ANO10: variants seen among roughly 807,000 people sequenced by gnomAD.
ANO10 encodes the protein anoctamin-10.
In ANO10, 77 loss-of-function variants were observed where a neutral mutation model predicts 74.7. The observed-to-expected ratio is 1.03, with a 90% CI of 0.86 to 1.25. The LOEUF is 1.25. ANO10 is among the 50% of genes most tolerant of loss of function. The pLI, the probability that ANO10 is intolerant of heterozygous loss-of-function variation, is 0.00. For missense variants in ANO10, 721 were observed against 778.1 expected (o/e 0.93, Z 0.87); for synonymous variants, 279 against 284.9 (o/e 0.98, Z 0.21).
At chr3:43,659,935 G>A (rs1305569590) in intron 1 of ANO10, among the ~76,000 whole-genome samples, 2 of 152,172 alleles carry the variant, frequency 1.3e-5, no homozygotes, top group African/African-American at 2.4e-5. Context: ...GTGATACCCA[G>A]GCAAACAGGG....
intron 1 of ANO10, among the ~76,000 whole-genome samples, chr3:43,652,343 A>G (rs2083797436): frequency 1.3e-5 from 2 of 152,242 alleles, no homozygotes; most frequent in Non-Finnish European, 2.9e-5. Context: ...GAATCCAGAA[A>G]TAAATCCTTA....
intron 10 of ANO10, among the ~76,000 whole-genome samples, chr3:43,551,091 C>T (rs749832873): frequency 9.9e-5 from 15 of 152,158 alleles, no homozygotes; most frequent in Non-Finnish European, 1.9e-4. Context: ...ATTACATGGA[C>T]GTATCAGAAT....
intron 10 of ANO10, among the ~76,000 whole-genome samples, chr3:43,552,697 G>GATATATATAT (rs57438732): frequency 6.4e-5 from 8 of 124,482 alleles, no homozygotes; most frequent in African/African-American, 1.2e-4. Flanking sequence ...ATTATCTCTG[G>GATATATATAT]ATATATATAT....
intron 9 of ANO10, among the ~76,000 whole-genome samples, chr3:43,558,815 CAA>C (rs1389529610): frequency 2.0e-5 from 3 of 152,076 alleles, no homozygotes; most frequent in Non-Finnish European, 4.4e-5. Flanking sequence ...ACTGAAATGG[CAA>C]ATATCCAACA....
In ANO10 at chr3:43,386,121, G is replaced by A. The variant is rs377654056; in HGVS notation, c.1915-19147C>T. 2.9e-4 allele frequency among the ~76,000 whole-genome samples: 44 copies of A among 152,262 alleles called. No homozygotes were observed. The East Asian group carries it at 8.3e-3, about 29-fold the overall frequency. The stretch of plus-strand genomic sequence containing the variant: ...CTCTGGAGTCCAGGGAGTCCTGCCT[G>A]AGGATTCTGAGGAAGTTGTGATTTC... On this transcript the variant is annotated intron_variant, in intron 12 of 12. Coordinates refer to ENST00000292246, the MANE Select transcript of ANO10 (RefSeq NM_018075.5).
chr3:43,440,280 A>T lies in ANO10; in HGVS notation c.1798-7553T>A, dbSNP rs183677775. Reference sequence around the variant, plus strand: ...GCTGAATGGATTTTAAAAAAAACCAACAAGAAGAAGATCCAATTACCTGCA... The same window carrying T: ...GCTGAATGGATTTTAAAAAAAACCATCAAGAAGAAGATCCAATTACCTGCA... On this transcript the variant is annotated intron_variant, in intron 11 of 12. Coordinates refer to ENST00000292246, the MANE Select transcript of ANO10 (RefSeq NM_018075.5). 2.6e-5 allele frequency among the ~76,000 whole-genome samples: 4 copies of T among 152,270 alleles called. No homozygotes were observed. In the East Asian group the frequency reaches 7.7e-4, roughly 29 times the overall value.
chr3:43,431,803 C>A (rs564994315), intron 12 of ANO10, among the ~76,000 whole-genome samples: 4 of 152,164 alleles, frequency 2.6e-5, no homozygotes. Flanking sequence ...ACCCTTGGAG[C>A]CCTCAGGCTT....
chr3:43,432,294 G>A (rs2092994966), intron 12 of ANO10, among the ~76,000 whole-genome samples: 1 of 152,042 alleles, frequency 6.6e-6, no homozygotes, highest in Non-Finnish European at 1.5e-5. Context: ...TTCAGTAGAT[G>A]GCAAAACTGG....
intron 11 of ANO10, among the ~76,000 whole-genome samples, chr3:43,484,607 C>T (rs1296437366): frequency 6.6e-6 from 1 of 152,144 alleles, no homozygotes; most frequent in African/African-American, 2.4e-5. Flanking sequence ...ATCTTATGTG[C>T]CACTCTTTGT....
At chr3:43,450,327 G>A (rs982177980) in intron 11 of ANO10, among the ~76,000 whole-genome samples, 1 of 152,084 alleles carries the variant, frequency 6.6e-6, no homozygotes, top group Non-Finnish European at 1.5e-5. Flanking sequence ...GAAGACCTGA[G>A]GTCAGGAGTT....
At chr3:43,546,949 C>A (rs1290880159) in intron 11 of ANO10, among the ~76,000 whole-genome samples, 1 of 152,010 alleles carries the variant, frequency 6.6e-6, no homozygotes, top group African/African-American at 2.4e-5. Flanking sequence ...GCTGAGCATG[C>A]CCCAAATGGA....
At chr3:43,477,479 T>C (rs182691777) in intron 11 of ANO10, among the ~76,000 whole-genome samples, 87 of 152,314 alleles carry the variant, frequency 5.7e-4, no homozygotes, top group Non-Finnish European at 9.0e-4. Context: ...ATTAAGATAA[T>C]TGTTAATAAC....
chr3:43,450,678 C>T (rs1389896674), intron 11 of ANO10, among the ~76,000 whole-genome samples: 1 of 152,138 alleles, frequency 6.6e-6, no homozygotes, highest in Non-Finnish European at 1.5e-5. Context: ...AAGTGACAAA[C>T]CTGAAATAAG....
chr3:43,577,035 C>A lies in ANO10; in HGVS notation c.819G>T (p.Gly273=), dbSNP rs1378639685. The stretch of plus-strand genomic sequence containing the variant: ...CAAACTTTCTCTTCATGAGCAGTGT[C>A]CCCCACCTGTAGGTCATGTTGGCAC... ...RGCANMTYRW[G]TLLMKRKFEE... is the part of the protein sequence containing the mutation. Residue 273 remains glycine (G), a synonymous_variant, in exon 6 of 13, where the codon GGG becomes GGT. Transcript: ENST00000292246. 7 of 1,614,004 alleles carry A rather than the reference C, an allele frequency of 4.3e-6. No individual in the cohort carries two copies. The highest frequency in any genetic ancestry group is 5.9e-6 in the Non-Finnish European group (7 of 1,180,006).
intron 11 of ANO10, among the ~76,000 whole-genome samples, chr3:43,482,903 A>G (rs1161500687): frequency 6.6e-6 from 1 of 152,206 alleles, no homozygotes; most frequent in East Asian, 1.9e-4. Context: ...CCAGGAGCAA[A>G]GCTGTACCCT....
intron 11 of ANO10, among the ~76,000 whole-genome samples, chr3:43,465,393 C>A (rs2075570578): frequency 1.3e-5 from 2 of 152,032 alleles, no homozygotes; most frequent in East Asian, 3.8e-4. Flanking sequence ...AAATACTGTC[C>A]CCAGCTGTAA....
chr3:43,366,729 G>T lies in ANO10; in HGVS notation c.*177C>A. 1.5e-6 allele frequency: 1 copy of T among 683,806 alleles called. No individual in the cohort carries two copies. Among genetic ancestry groups the T allele is most frequent in the Non-Finnish European group, 2.6e-6 (1 of 383,738 alleles). 42.4% of individuals were successfully genotyped at this position (683,806 alleles called of 1,614,324 possible). A position where few individuals can be genotyped will look rare whatever the true frequency, so the allele number is the denominator to read the frequency against. On this transcript the variant is annotated 3_prime_UTR_variant, in exon 13 of 13. Coordinates refer to ENST00000292246, the MANE Select transcript of ANO10 (RefSeq NM_018075.5). ...CTGGGGGAACTGCCAAGGATCCCGA[G>T]CCAAGCCACTGCGAAACTGAGAAGG...
intron 1 of ANO10, among the ~76,000 whole-genome samples, chr3:43,636,094 C>T (rs1465845305): frequency 6.6e-6 from 1 of 151,708 alleles, no homozygotes; most frequent in Non-Finnish European, 1.5e-5. Context: ...GACCCTGAAA[C>T]AAAGATTCAA....
intron 12 of ANO10, among the ~76,000 whole-genome samples, chr3:43,379,693 G>A (rs932658265): frequency 2.0e-5 from 3 of 152,146 alleles, no homozygotes; most frequent in Non-Finnish European, 2.9e-5. Context: ...TGGGCTGTGG[G>A]CTGCATAGGA....
Sources: allele counts gnomAD v4.1 joint callset (sites outside exome capture counted in the v4.1 genomes callset), GRCh38; gene constraint gnomAD v4.1.1; transcripts MANE v1.5; gene names NCBI Gene and HGNC (gene_info 2026-07-23, HGNC 2026-07-21).